The following ANKS1B variants were observed in gnomAD, a reference collection of about 807,000 sequenced individuals.
ANKS1B encodes the protein ankyrin repeat and sterile alpha motif domain containing 1B, also known as ankyrin repeat and sterile alpha motif domain-containing protein 1B.
ANKS1B carries 36 observed loss-of-function variants against 148.3 expected under a neutral mutation model. The observed-to-expected ratio is 0.24, with a 90% CI of 0.19 to 0.32. ANKS1B has a LOEUF of 0.32. Ranked by LOEUF, ANKS1B falls within the 10% of genes least tolerant of loss-of-function variation. The pLI is 1.00. For synonymous variants in ANKS1B, 542 were observed against 560.8 expected, an observed-to-expected ratio of 0.97 and a Z score of 0.47; for missense variants, 1,157 against 1,542.6, an observed-to-expected ratio of 0.75 and a Z score of 4.19.
At chr12:99,319,867 G>A (rs1409836099) in intron 12 of ANKS1B, among the ~76,000 whole-genome samples, 1 of 152,192 alleles carries the variant, frequency 6.6e-6, no homozygotes, top group Non-Finnish European at 1.5e-5. Context: ...TCCTTCAGGA[G>A]CTCCTGTAAA....
intron 13 of ANKS1B, 123 bp downstream of exon 13, chr12:99,246,152 G>C (rs923724): frequency 0.6 from 423,852 of 707,936 alleles, 128,764 homozygotes; most frequent in Middle Eastern, 0.64. Flanking sequence ...TTTCATTCCA[G>C]TTGGAGCCGT....
intron 17 of ANKS1B, among the ~76,000 whole-genome samples, chr12:99,035,638 A>G (rs980044242): frequency 5.9e-5 from 9 of 152,048 alleles, no homozygotes; most frequent in African/African-American, 2.2e-4. Flanking sequence ...TTTTCAGCAA[A>G]CCTTTAGAGG....
chr12:98,801,238 T>A lies in ANKS1B; in HGVS notation c.3142-113A>T. ...TGCTGTGAATGTACCAAAATGCATT[T>A]GGGTGTCTTATGTGAATATAAATAC... On this transcript the variant is annotated intron_variant, in intron 20 of 26. Coordinates refer to ENST00000683438, the MANE Select transcript of ANKS1B (RefSeq NM_001352186.2). This position sits in a 1 kb window ranked among gnomAD's most constrained non-coding sequence, Gnocchi z 5.2. 9.8e-7 allele frequency: 1 copy of A among 1,024,976 alleles called. No individual in the cohort carries two copies. Among genetic ancestry groups the A allele is most frequent in the South Asian group, 2.0e-5 (1 of 50,390 alleles). The allele number at this position is 1,024,976 out of a possible 1,614,324, so 63.5% of individuals were successfully genotyped here.
intron 12 of ANKS1B, among the ~76,000 whole-genome samples, chr12:99,261,085 T>C (rs1397582976): frequency 6.6e-6 from 1 of 152,156 alleles, no homozygotes; most frequent in African/African-American, 2.4e-5. Flanking sequence ...GAAAGTGGTG[T>C]TCTAGCTCTG....
chr12:99,279,698 T>C (rs1226708404), intron 12 of ANKS1B, among the ~76,000 whole-genome samples: 1 of 152,210 alleles, frequency 6.6e-6, no homozygotes, highest in Admixed American at 6.5e-5. Context: ...GGGGTTTCTA[T>C]AACTGTCTAA....
At chr12:99,045,281 T>A (rs945443035) in intron 17 of ANKS1B, among the ~76,000 whole-genome samples, 1 of 152,022 alleles carries the variant, frequency 6.6e-6, no homozygotes, top group African/African-American at 2.4e-5. Context: ...AAAAAATTAA[T>A]TTTTTTTGCT....
At chr12:99,711,224 G>GA (rs776840790) in intron 8 of ANKS1B, among the ~76,000 whole-genome samples, 3 of 152,012 alleles carry the variant, frequency 2.0e-5, no homozygotes, top group Non-Finnish European at 2.9e-5. Context: ...TTATAAACTG[G>GA]AATGCACCAT....
chr12:98,931,805 G>A (rs1001890629), intron 17 of ANKS1B: 1 of 152,062 alleles, frequency 6.6e-6, no homozygotes, highest in Non-Finnish European at 1.5e-5. Flanking sequence ...TATCTGATTG[G>A]TTTGTCAACA....
At chr12:99,496,884 G>A (rs948344631) in intron 10 of ANKS1B, among the ~76,000 whole-genome samples, 5 of 152,168 alleles carry the variant, frequency 3.3e-5, no homozygotes, top group Non-Finnish European at 7.3e-5. Flanking sequence ...ACCCTCAGCT[G>A]CTCAGCCCCT....
At position 99,806,484 on chromosome 12, in the gene ANKS1B, G is replaced by A. The variant is rs2067653900; in HGVS notation, c.589C>T (p.Pro197Ser). The change falls in exon 4 of 27, where the codon CCA (proline) becomes TCA (serine). Residue 197 changes from proline (P) to serine (S), a missense_variant. Coordinates refer to ENST00000683438, the MANE Select transcript of ANKS1B (RefSeq NM_001352186.2). ...LMSCNTRKHT[P>S]LHLAARNGHK... ...CCATTGCGCGCAGCAAGGTGAAGTG[G>A]CGTGTGCTTGCGAGTGTTGCAGCTC... The A allele has an allele frequency of 6.2e-7, 1 of 1,613,856 alleles. No homozygotes were observed. The highest frequency in any genetic ancestry group is 1.3e-5 in the African/African-American group (1 of 74,924).
intron 14 of ANKS1B, among the ~76,000 whole-genome samples, chr12:99,218,386 AAC>A: frequency 6.6e-6 from 1 of 152,278 alleles, no homozygotes; most frequent in East Asian, 1.9e-4. Flanking sequence ...CATAGAACAG[AAC>A]ATTATGAGAT....
At chr12:99,786,409 A>G (rs926273067) in intron 4 of ANKS1B, among the ~76,000 whole-genome samples, 3 of 152,176 alleles carry the variant, frequency 2.0e-5, no homozygotes, top group Non-Finnish European at 4.4e-5. Flanking sequence ...GGCAGAAGAC[A>G]GTCTGAAGTC....
At chr12:98,810,768 G>A (rs911299169) in intron 19 of ANKS1B, among the ~76,000 whole-genome samples, 8 of 152,208 alleles carry the variant, frequency 5.3e-5, no homozygotes, top group Admixed American at 5.2e-4. Flanking sequence ...CTTTTGGGCA[G>A]ACTGCATCAC....
chr12:99,081,880 GTCAC>G (rs1428159202), intron 16 of ANKS1B, among the ~76,000 whole-genome samples: 2 of 152,274 alleles, frequency 1.3e-5, no homozygotes, highest in Admixed American at 6.5e-5. Flanking sequence ...CATTCACTCA[GTCAC>G]TCACTCATTC....
intron 17 of ANKS1B, among the ~76,000 whole-genome samples, chr12:98,852,201 T>C (rs534263133): frequency 6.6e-6 from 1 of 152,144 alleles, no homozygotes; most frequent in Admixed American, 6.5e-5. Context: ...TTAGAACTTG[T>C]TCATTACTAA....
chr12:99,788,708 C>T (rs984091621), intron 4 of ANKS1B, among the ~76,000 whole-genome samples: 4 of 152,108 alleles, frequency 2.6e-5, no homozygotes, highest in East Asian at 3.9e-4. Context: ...ATTTCTGAAT[C>T]TGTCCTGGAC....
chr12:99,479,663 G>A (rs1015792623), intron 10 of ANKS1B, among the ~76,000 whole-genome samples: 16 of 151,912 alleles, frequency 1.1e-4, no homozygotes, highest in Non-Finnish European at 1.9e-4. Context: ...CTTGTATGTG[G>A]AATCTAGAAA....
intron 17 of ANKS1B, among the ~76,000 whole-genome samples, chr12:99,009,202 A>C (rs4762533): frequency 0.29 from 43,545 of 152,142 alleles, 7,069 homozygotes; most frequent in African/African-American, 0.45. Context: ...CTACAGCTGC[A>C]TCTTTACTTA....
chr12:99,623,213 TA>T lies in ANKS1B; in HGVS notation c.1272+31853del, dbSNP rs968551122. 4.5e-4 allele frequency among the ~76,000 whole-genome samples: 68 copies of T among 151,210 alleles called. No homozygotes were observed. The South Asian group carries it at 7.5e-3, about 17-fold the overall frequency. ...ATAAAATCTAACATCTCTTCATGAT[TA>T]AAAAAAAATCCATCAAAAAACTAGG... On this transcript the variant is annotated intron_variant, in intron 9 of 26. Coordinates refer to ENST00000683438, the MANE Select transcript of ANKS1B (RefSeq NM_001352186.2).
Sources: allele counts gnomAD v4.1 joint callset (sites outside exome capture counted in the v4.1 genomes callset), GRCh38; gene constraint gnomAD v4.1.1; non-coding constraint Gnocchi (gnomAD v3.1); transcripts MANE v1.5; gene names NCBI Gene and HGNC (gene_info 2026-07-23, HGNC 2026-07-21).